The following PLG variants were observed in gnomAD, a reference collection of about 807,000 sequenced individuals.
PLG encodes plasminogen.
PLG carries 41 observed loss-of-function variants against 104.4 expected under a neutral mutation model. The observed-to-expected ratio is 0.39, with a 90% CI of 0.31 to 0.51. The LOEUF (loss-of-function observed/expected upper bound fraction) is 0.51. Among genes scored for constraint, PLG ranks in the 20% least tolerant of loss-of-function variants. PLG has a pLI of 0.76. For synonymous variants in PLG, 337 were observed against 357.1 expected (o/e 0.94, Z 0.63); for missense variants, 891 against 1,003.6 (o/e 0.89, Z 1.52).
intron 3 of PLG, among the ~76,000 whole-genome samples, chr6:160,708,970 TA>T (rs1158448306): frequency 4.0e-4 from 59 of 147,852 alleles, no homozygotes; most frequent in East Asian, 6.0e-4. Flanking sequence ...TACCAGATTT[TA>T]AAAAAAAAAA....
chr6:160,745,225 T>A (rs578220978), intron 17 of PLG, among the ~76,000 whole-genome samples: 4 of 152,220 alleles, frequency 2.6e-5, no homozygotes, highest in South Asian at 2.1e-4. Context: ...TGTGCCTCGA[T>A]GATCTGTCTA....
intron 10 of PLG, among the ~76,000 whole-genome samples, chr6:160,730,588 C>A (rs4252123): frequency 6.6e-6 from 1 of 152,136 alleles, no homozygotes; most frequent in African/African-American, 2.4e-5. Flanking sequence ...ATGTCATTTT[C>A]TCCTTGGAGA....
Position 160,734,429 on chromosome 6 carries a change from T to C in PLG, c.1681+341T>C, listed in dbSNP as rs964401092. 2.0e-5 allele frequency among the ~76,000 whole-genome samples: 3 copies of C among 152,112 alleles called. No homozygotes were observed. The highest frequency in any genetic ancestry group is 7.2e-5 in the African/African-American group (3 of 41,396). ...ATTTAGAGTCATTCGGATGAAAAAC[T>C]TTCCCTTTCCACAGCTGAGAAGTAA... is the stretch of plus-strand genomic sequence containing the variant. On this transcript the variant is annotated intron_variant, in intron 13 of 18. Coordinates refer to ENST00000308192, the MANE Select transcript of PLG (RefSeq NM_000301.5). The surrounding 1 kb of genome is among the most constrained non-coding windows in gnomAD (Gnocchi z 4.4).
intron 4 of PLG, chr6:160,711,547 C>T: frequency 6.3e-7 from 1 of 1,597,168 alleles, no homozygotes; most frequent in Non-Finnish European, 8.5e-7. Context: ...ATAATTTCAT[C>T]ACTTTTAATT....
intron 9 of PLG, 34 bp from the exon 10 acceptor site, chr6:160,722,374 T>C (rs1027776438): frequency 2.6e-6 from 4 of 1,554,006 alleles, no homozygotes; most frequent in African/African-American, 1.4e-5. Flanking sequence ...TTTTCAGTAA[T>C]TGTTAAGCTT....
intron 10 of PLG, among the ~76,000 whole-genome samples, chr6:160,729,118 C>A (rs530265145): frequency 6.6e-6 from 1 of 151,542 alleles, no homozygotes; most frequent in Admixed American, 6.6e-5. Context: ...TCTCAGGGAA[C>A]GATGGACAGA....
chr6:160,712,101 A>C, intron 4 of PLG: 2 of 224,498 alleles, frequency 8.9e-6, no homozygotes, highest in Non-Finnish European at 1.6e-5. Context: ...GAGTTAATGA[A>C]AACTGATTCA....
At chr6:160,716,583 A>G (rs1333371332) in intron 6 of PLG, 62 bp from the exon 7 acceptor site, 2 of 1,016,012 alleles carry the variant, frequency 2.0e-6, no homozygotes, top group Non-Finnish European at 3.2e-6. Flanking sequence ...TTGCTCTTGA[A>G]AAAGAGTCTT....
At chr6:160,747,520 C>T (rs921301399) in intron 17 of PLG, among the ~76,000 whole-genome samples, 8 of 152,180 alleles carry the variant, frequency 5.3e-5, no homozygotes, top group African/African-American at 1.7e-4. Context: ...AGGCACGTTA[C>T]CTCTTTGTAC....
In PLG at chr6:160,724,098, C is replaced by A. The variant is rs1777886435; in HGVS notation, c.1256+1531C>A. Among the ~76,000 whole-genome samples, 2 of 152,050 alleles carry A rather than the reference C, an allele frequency of 1.3e-5. No homozygotes were observed. The highest frequency in any genetic ancestry group is 4.8e-5 in the African/African-American group (2 of 41,404). On this transcript the variant is annotated intron_variant, in intron 10 of 18. Transcript: ENST00000308192. The surrounding 1 kb of genome is among the most constrained non-coding windows in gnomAD (Gnocchi z 5.0). ...TAAATTTATAACTTTACCAGACATACAAAAAGCATTTACTGTGATCCATAA... is the reference window on the plus strand; with the variant it reads ...TAAATTTATAACTTTACCAGACATAAAAAAAGCATTTACTGTGATCCATAA...
intron 9 of PLG, 33 bp from the exon 10 acceptor site, chr6:160,722,375 T>G: frequency 1.3e-6 from 2 of 1,565,992 alleles, no homozygotes; most frequent in Non-Finnish European, 1.8e-6. Context: ...TTTCAGTAAT[T>G]GTTAAGCTTG....
intron 2 of PLG, among the ~76,000 whole-genome samples, chr6:160,707,404 A>G (rs1346293308): frequency 2.6e-5 from 4 of 152,136 alleles, no homozygotes; most frequent in African/African-American, 9.7e-5. Flanking sequence ...CTTCTTTCCA[A>G]CCCAAAAACA....
Position 160,731,962 on chromosome 6 carries a change from G to T in PLG, c.1587+69G>T. The T allele has an allele frequency of 6.6e-7, 1 of 1,522,346 alleles. No individual in the cohort carries two copies. Among genetic ancestry groups the T allele is most frequent in the Non-Finnish European group, 9.1e-7 (1 of 1,098,398 alleles). 94.3% of individuals were successfully genotyped at this position (1,522,346 alleles called of 1,614,324 possible). On this transcript the variant is annotated intron_variant, in intron 12 of 18. Coordinates refer to ENST00000308192, the MANE Select transcript of PLG (RefSeq NM_000301.5). The surrounding 1 kb of genome is among the most constrained non-coding windows in gnomAD (Gnocchi z 5.1). ...TCTTTGCAAACAGAATTGGTTCTGT[G>T]TTACAGAAAATCTGACCTGGACTGC...
chr6:160,706,967 AC>A (rs1777539150), intron 2 of PLG, among the ~76,000 whole-genome samples: 2 of 150,544 alleles, frequency 1.3e-5, no homozygotes, highest in Non-Finnish European at 2.9e-5. Context: ...AAAAAAAAAG[AC>A]AGCCCAAGTG....
chr6:160,722,462 G>A lies in PLG; in HGVS notation c.1151G>A (p.Ser384Asn). The A allele has an allele frequency of 6.2e-7, 1 of 1,613,010 alleles. No homozygotes were observed. Residue 384 changes from serine (S) to asparagine (N), a missense_variant, in exon 10 of 19, where the codon AGC becomes AAC. Transcript: ENST00000308192. ...VQDCYHGDGQ[S>N]YRGTSSTTTT... ...GACTGCTACCATGGTGATGGACAGA[G>A]CTACCGAGGCACATCCTCCACCACC...
In PLG at chr6:160,716,527, C is replaced by G. The variant is rs1412784675; in HGVS notation, c.669-118C>G. The G allele has an allele frequency of 5.4e-6, 4 of 745,838 alleles. No individual in the cohort carries two copies. In the East Asian group the frequency reaches 7.7e-5, roughly 14 times the overall value. 46.2% of individuals were successfully genotyped at this position (745,838 alleles called of 1,614,324 possible). A position where few individuals can be genotyped will look rare whatever the true frequency, so the allele number is the denominator to read the frequency against. On this transcript the variant is annotated intron_variant, in intron 6 of 18. Coordinates refer to ENST00000308192, the MANE Select transcript of PLG (RefSeq NM_000301.5). ...CTGAACACAGCCTTCATCTGATTACCTCCTCCATGCCCGACTGTGCCTAGC... is the reference window on the plus strand; with the variant it reads ...CTGAACACAGCCTTCATCTGATTACGTCCTCCATGCCCGACTGTGCCTAGC...
At chr6:160,751,195 C>G (rs781414413) in intron 17 of PLG, among the ~76,000 whole-genome samples, 10 of 152,136 alleles carry the variant, frequency 6.6e-5, no homozygotes, top group Non-Finnish European at 1.5e-4. Flanking sequence ...TTTATGGGAA[C>G]TTAGACTCAG....
rs1778060467 is a variant in PLG at position 160,734,858 on chromosome 6, G to A, written c.1681+770G>A. Among the ~76,000 whole-genome samples, 1 of 152,002 alleles carries A rather than the reference G, an allele frequency of 6.6e-6. No individual in the cohort carries two copies. Among genetic ancestry groups the A allele is most frequent in the Admixed American group, 6.5e-5 (1 of 15,276 alleles). Reference sequence around the variant, plus strand: ...GAAAACCACCCTGGACTTCTCCTATGCATAATTTGGTTGCTTGTGGTTGGG... The same window carrying A: ...GAAAACCACCCTGGACTTCTCCTATACATAATTTGGTTGCTTGTGGTTGGG... On this transcript the variant is annotated intron_variant, in intron 13 of 18. Transcript: ENST00000308192. The surrounding 1 kb of genome is among the most constrained non-coding windows in gnomAD (Gnocchi z 4.4).
intron 17 of PLG, among the ~76,000 whole-genome samples, chr6:160,743,461 G>T (rs1778228454): frequency 6.6e-6 from 1 of 152,104 alleles, no homozygotes; most frequent in African/African-American, 2.4e-5. Context: ...CTCTGGGCTT[G>T]GCTGTTGTTG....
Sources: allele counts gnomAD v4.1 joint callset (sites outside exome capture counted in the v4.1 genomes callset), GRCh38; gene constraint gnomAD v4.1.1; non-coding constraint Gnocchi (gnomAD v3.1); transcripts MANE v1.5; gene names NCBI Gene and HGNC (gene_info 2026-07-23, HGNC 2026-07-21).